SPATS2L: variants seen among roughly 807,000 people sequenced by gnomAD.
SPATS2L encodes the protein spermatogenesis associated serine rich 2 like, also known as SPATS2-like protein.
SPATS2L carries 30 observed loss-of-function variants against 59.6 expected under a neutral mutation model. That is an observed-to-expected ratio of 0.50 (90% CI 0.38 to 0.68). SPATS2L has a LOEUF of 0.68. SPATS2L is among the 30% of genes least tolerant of loss of function. The probability of loss-of-function intolerance (pLI) is 0.00; values close to 1 mark genes in which losing one functional copy is unlikely to be tolerated. For synonymous variants in SPATS2L, 252 were observed against 263.5 expected, an observed-to-expected ratio of 0.96 and a Z score of 0.42; for missense variants, 615 against 700.0, an observed-to-expected ratio of 0.88 and a Z score of 1.37.
chr2:200,318,422 T>G (rs1170804847), intron 1 of SPATS2L, among the ~76,000 whole-genome samples: 4 of 152,198 alleles, frequency 2.6e-5, no homozygotes, highest in Non-Finnish European at 5.9e-5. Context: ...AAGGAGACCA[T>G]GTAAATCTAC....
rs551788802 is a variant in SPATS2L, at chr2:200,334,603, A to G, written c.-23+5123A>G. On this transcript the variant is annotated intron_variant, in intron 2 of 12. Transcript: ENST00000409140. The stretch of plus-strand genomic sequence containing the variant: ...GTCCTTGCCCATGCCTATGTCCTGA[A>G]TGGTATTGCCTAGGTTTTCTTCTAG... 3.4e-3 allele frequency among the ~76,000 whole-genome samples: 514 copies of G among 151,886 alleles called. 2 individuals are homozygous for G. The highest frequency in any genetic ancestry group is 3.2e-3 in the Admixed American group (49 of 15,254).
At chr2:200,423,181 A>T (rs2083387392) in intron 6 of SPATS2L, among the ~76,000 whole-genome samples, 1 of 152,214 alleles carries the variant, frequency 6.6e-6, no homozygotes, top group Non-Finnish European at 1.5e-5. Context: ...CTATGTTTGG[A>T]CCGCAGTTGA....
intron 2 of SPATS2L, among the ~76,000 whole-genome samples, chr2:200,332,453 C>T (rs1336522491): frequency 6.6e-6 from 1 of 152,048 alleles, no homozygotes; most frequent in Non-Finnish European, 1.5e-5. Flanking sequence ...CACTTTGTTA[C>T]CCAGGCTGGT....
At chr2:200,362,840 T>TG (rs749160264) in intron 2 of SPATS2L, among the ~76,000 whole-genome samples, 2 of 152,222 alleles carry the variant, frequency 1.3e-5, no homozygotes, top group Non-Finnish European at 2.9e-5. Context: ...AGGTTGGTGT[T>TG]GCAGCTTTGT....
rs1337913537 is a variant in SPATS2L, at chr2:200,480,947, C to A, written c.*2916C>A. ...CTAGTAGAGGTTAAAATAGTTTAAT[C>A]CTTATGAAGATGGAATAACTTCAAA... On this transcript the variant is annotated 3_prime_UTR_variant, in exon 13 of 13. Transcript: ENST00000409140. 3 of 152,186 alleles carry A rather than the reference C, an allele frequency of 2.0e-5. No homozygotes were observed. Among genetic ancestry groups the A allele is most frequent in the Admixed American group, 2.0e-4 (3 of 15,278 alleles). 9.4% of individuals were successfully genotyped at this position (152,186 alleles called of 1,614,324 possible).
chr2:200,414,176 T>C (rs1422146380), intron 4 of SPATS2L, among the ~76,000 whole-genome samples: 1 of 152,108 alleles, frequency 6.6e-6, no homozygotes, highest in Non-Finnish European at 1.5e-5. Flanking sequence ...GCACAGTAAC[T>C]GATGGACTGT....
intron 8 of SPATS2L, among the ~76,000 whole-genome samples, chr2:200,449,701 A>G (rs569447154): frequency 1.3e-5 from 2 of 152,336 alleles, no homozygotes; most frequent in South Asian, 4.1e-4. Flanking sequence ...AATATAGTCT[A>G]TTTTCACTAG....
At chr2:200,336,186 A>G (rs1038364902) in intron 2 of SPATS2L, among the ~76,000 whole-genome samples, 1 of 152,242 alleles carries the variant, frequency 6.6e-6, no homozygotes, top group Non-Finnish European at 1.5e-5. Context: ...AGTTAATGAC[A>G]GGGACCACTG....
At chr2:200,446,250 G>A (rs756981732) in intron 8 of SPATS2L, among the ~76,000 whole-genome samples, 2 of 152,124 alleles carry the variant, frequency 1.3e-5, no homozygotes, top group African/African-American at 2.4e-5. Context: ...TGGGAGGATC[G>A]CTTAAGCCCA....
At chr2:200,372,197 T>C in intron 2 of SPATS2L, 1 of 985,392 alleles carries the variant, frequency 1.0e-6, no homozygotes, top group Non-Finnish European at 1.2e-6. Flanking sequence ...ACAACATTGT[T>C]TCTCCCTTTG....
At chr2:200,395,996 G>C (rs1370025451) in intron 3 of SPATS2L, among the ~76,000 whole-genome samples, 2 of 98,480 alleles carry the variant, frequency 2.0e-5, no homozygotes, top group Admixed American at 2.9e-4. Flanking sequence ...GGGCAAAAGA[G>C]TGAGACTCGA....
At chr2:200,326,174 C>G (rs913292080) in intron 1 of SPATS2L, among the ~76,000 whole-genome samples, 1 of 152,146 alleles carries the variant, frequency 6.6e-6, no homozygotes, top group Admixed American at 6.5e-5. Flanking sequence ...TTCACAGATG[C>G]AATCATAGCA....
chr2:200,307,944 C>G (rs540008811), intron 1 of SPATS2L, among the ~76,000 whole-genome samples: 1 of 151,886 alleles, frequency 6.6e-6, no homozygotes, highest in East Asian at 2.0e-4. Flanking sequence ...CCTTGAACTT[C>G]AAACACAGTC....
chr2:200,353,315 A>G (rs1448463869), intron 2 of SPATS2L, among the ~76,000 whole-genome samples: 1 of 152,182 alleles, frequency 6.6e-6, no homozygotes, highest in African/African-American at 2.4e-5. Flanking sequence ...TGTGCAATCC[A>G]AGTGGAGGTC....
intron 11 of SPATS2L, 39 bp downstream of exon 11, chr2:200,470,055 A>C (rs753556687): frequency 6.6e-7 from 1 of 1,510,900 alleles, no homozygotes; most frequent in Non-Finnish European, 9.0e-7. Flanking sequence ...CTGTGTGAGT[A>C]ACCTTGGTGC....
At chr2:200,431,877 A>T (rs1483459668) in intron 6 of SPATS2L, among the ~76,000 whole-genome samples, 1 of 152,250 alleles carries the variant, frequency 6.6e-6, no homozygotes, top group Non-Finnish European at 1.5e-5. Flanking sequence ...CATTTATTGT[A>T]TAAAATAAAT....
Position 200,392,536 on chromosome 2 carries a change from C to G in SPATS2L, c.39+3253C>G, listed in dbSNP as rs117657124. ...CACTCTAGCAAATTATAGACCGTCC[C>G]TTATTTATGGTGGTTTGATTTAAGA... On this transcript the variant is annotated intron_variant, in intron 3 of 12. Transcript: ENST00000409140. Among the ~76,000 whole-genome samples the G allele has an allele frequency of 3.9e-5, 6 of 152,206 alleles. No homozygotes were observed. The East Asian group carries it at 1.2e-3, about 29-fold the overall frequency.
At position 200,459,784 on chromosome 2, in the gene SPATS2L, A is replaced by G; in HGVS notation, c.804A>G (p.Glu268=). Residue 268 remains glutamate, a synonymous_variant, in exon 9 of 13, where the codon GAA becomes GAG. Transcript: ENST00000409140. ...AELHNCIIDK[E]VSLMAEMDKV... Reference sequence around the variant, plus strand: ...TTTTCCCCAGCATCATTGACAAAGAAGTTTCATTAATGGCAGAAATGGATA... The same window carrying G: ...TTTTCCCCAGCATCATTGACAAAGAGGTTTCATTAATGGCAGAAATGGATA... The G allele has an allele frequency of 6.2e-7, 1 of 1,612,844 alleles. No individual in the cohort carries two copies.
chr2:200,431,145 AT>A lies in SPATS2L; in HGVS notation c.446-7976del, dbSNP rs1359722053. Among the ~76,000 whole-genome samples, 74 of 152,248 alleles carry A rather than the reference AT, an allele frequency of 4.9e-4. 1 individual carries two copies. The highest frequency in any genetic ancestry group is 1.6e-3 in the African/African-American group (66 of 41,474). On this transcript the variant is annotated intron_variant, in intron 6 of 12. Transcript: ENST00000409140. ...GAATTATTGGGTTCAAAGGGTATGA[AT>A]AGTTTTTAAGTTATTAATATATTAC...
Sources: gnomAD v4.1 joint callset for allele counts (sites outside exome capture counted in the v4.1 genomes callset) on GRCh38, gnomAD v4.1.1 for gene constraint, MANE v1.5 for transcripts, NCBI Gene and HGNC (gene_info 2026-07-23, HGNC 2026-07-21) for gene names.